The following STXBP4 variants were observed in gnomAD, a reference collection of about 807,000 sequenced individuals.
STXBP4 encodes syntaxin-binding protein 4.
Under a neutral mutation model 76.1 loss-of-function variants are expected in STXBP4, and 55 were observed. The ratio of observed to expected loss-of-function variants is 0.72; its 90% CI spans 0.58 to 0.91. The LOEUF (loss-of-function observed/expected upper bound fraction) is 0.91. Among genes scored for constraint, STXBP4 ranks in the 40% least tolerant of loss-of-function variants. The pLI is 0.00. For synonymous variants in STXBP4, 201 were observed against 220.2 expected (o/e 0.91, Z 0.77); for missense variants, 618 against 636.9 (o/e 0.97, Z 0.32).
At chr17:55,036,275 G>T (rs534145695) in intron 10 of STXBP4, among the ~76,000 whole-genome samples, 3 of 151,740 alleles carry the variant, frequency 2.0e-5, no homozygotes, top group African/African-American at 7.2e-5. Context: ...AGATTATCTT[G>T]GGAAGAATCA....
chr17:55,153,015 A>G (rs1408255477), intron 17 of STXBP4, among the ~76,000 whole-genome samples: 5 of 152,144 alleles, frequency 3.3e-5, no homozygotes, highest in Non-Finnish European at 7.4e-5. Flanking sequence ...GAGGAGTTTA[A>G]TATAATGGTT....
intron 16 of STXBP4, among the ~76,000 whole-genome samples, chr17:55,136,614 A>G (rs1289886234): frequency 1.3e-5 from 2 of 152,108 alleles, no homozygotes; most frequent in African/African-American, 2.4e-5. Context: ...TCACATTGGT[A>G]GCTCGAAATA....
At chr17:55,130,507 T>A (rs1474630690) in intron 16 of STXBP4, among the ~76,000 whole-genome samples, 1 of 152,222 alleles carries the variant, frequency 6.6e-6, no homozygotes, top group Non-Finnish European at 1.5e-5. Flanking sequence ...CATCACCTCA[T>A]ATACTTATTT....
chr17:55,167,570 T>C lies in STXBP4; in HGVS notation c.*7659T>C, dbSNP rs1463824023. ...TTGTAAAGCACATACTCACACATTGTTGATTTGCCCAAGGTTCTGAAGAAA... is the reference window on the plus strand; with the variant it reads ...TTGTAAAGCACATACTCACACATTGCTGATTTGCCCAAGGTTCTGAAGAAA... On this transcript the variant is annotated 3_prime_UTR_variant, in exon 18 of 18. Coordinates refer to ENST00000376352, the MANE Select transcript of STXBP4 (RefSeq NM_178509.6). 1.3e-5 allele frequency: 2 copies of C among 152,352 alleles called. No individual in the cohort carries two copies. The highest frequency in any genetic ancestry group is 2.1e-4 in the South Asian group (1 of 4,826). 9.4% of individuals were successfully genotyped at this position (152,352 alleles called of 1,614,324 possible). A position where few individuals can be genotyped will look rare whatever the true frequency, so the allele number is the denominator to read the frequency against.
intron 12 of STXBP4, among the ~76,000 whole-genome samples, chr17:55,047,873 A>C (rs1329011668): frequency 6.6e-6 from 1 of 151,902 alleles, no homozygotes; most frequent in Non-Finnish European, 1.5e-5. Flanking sequence ...ATACAACAAG[A>C]AAAATAATAA....
intron 12 of STXBP4, among the ~76,000 whole-genome samples, chr17:55,048,302 T>A (rs1162781425): frequency 1.3e-5 from 2 of 151,822 alleles, no homozygotes; most frequent in African/African-American, 4.8e-5. Flanking sequence ...CACCCTACCC[T>A]ATGACCATCA....
chr17:55,010,153 T>A (rs1488907772), intron 8 of STXBP4, among the ~76,000 whole-genome samples: 1 of 152,058 alleles, frequency 6.6e-6, no homozygotes, highest in Non-Finnish European at 1.5e-5. Flanking sequence ...GTTTACTAAT[T>A]ATGAATTTAT....
chr17:55,053,058 T>A (rs2144786857), intron 12 of STXBP4, among the ~76,000 whole-genome samples: 1 of 151,024 alleles, frequency 6.6e-6, no homozygotes, highest in South Asian at 2.1e-4. Context: ...AAATACAGCA[T>A]CTGACTCCAG....
chr17:54,970,092 T>C (rs1056638733), intron 1 of STXBP4, among the ~76,000 whole-genome samples: 2 of 151,966 alleles, frequency 1.3e-5, no homozygotes, highest in Admixed American at 6.6e-5. Context: ...AGGAAAGAGA[T>C]AGAATGATTG....
chr17:55,029,494 A>G (rs1343972349), intron 8 of STXBP4, among the ~76,000 whole-genome samples: 1 of 151,780 alleles, frequency 6.6e-6, no homozygotes, highest in African/African-American at 2.4e-5. Context: ...TGTTCTTTGT[A>G]TTATTATTTT....
intron 15 of STXBP4, 54 bp downstream of exon 15, chr17:55,078,789 T>A: frequency 1.0e-6 from 1 of 994,836 alleles, no homozygotes; most frequent in Non-Finnish European, 1.6e-6. Flanking sequence ...AAATTCTTCA[T>A]CTGGTCATTG....
chr17:55,198,539 A>G, the STXBP4 span, among the ~76,000 whole-genome samples: 1 of 152,198 alleles, frequency 6.6e-6, no homozygotes, highest in Non-Finnish European at 1.5e-5. Context: ...AATCATCAAG[A>G]TAGAAGTCTG....
Position 55,169,842 on chromosome 17 carries a change from A to G in STXBP4, c.*9931A>G, listed in dbSNP as rs2080396639. On this transcript the variant is annotated 3_prime_UTR_variant, in exon 18 of 18. Coordinates refer to ENST00000376352, the MANE Select transcript of STXBP4 (RefSeq NM_178509.6). ...ATTGAATGTCTAAACAATCCAAGAC[A>G]GATAATTTTGTAGTATTTACTGTGT... is the stretch of plus-strand genomic sequence containing the variant. 1 of 152,224 alleles carries G rather than the reference A, an allele frequency of 6.6e-6. No individual in the cohort carries two copies. The highest frequency in any genetic ancestry group is 1.5e-5 in the Non-Finnish European group (1 of 68,032). 9.4% of individuals were successfully genotyped at this position (152,224 alleles called of 1,614,324 possible).
chr17:55,092,437 AT>A (rs1266491852), intron 16 of STXBP4, among the ~76,000 whole-genome samples: 35 of 152,336 alleles, frequency 2.3e-4, no homozygotes, highest in African/African-American at 7.9e-4. Flanking sequence ...CAACCATGTA[AT>A]TTAGTAGGTC....
At chr17:55,138,467 C>A (rs915876451) in intron 16 of STXBP4, among the ~76,000 whole-genome samples, 1 of 151,964 alleles carries the variant, frequency 6.6e-6, no homozygotes, top group Non-Finnish European at 1.5e-5. Context: ...CTTACTTTGG[C>A]AAGATACTCA....
intron 16 of STXBP4, among the ~76,000 whole-genome samples, chr17:55,103,804 C>T (rs988218541): frequency 6.6e-6 from 1 of 151,728 alleles, no homozygotes; most frequent in Non-Finnish European, 1.5e-5. Flanking sequence ...CTCTAATTTC[C>T]TTGAGCAGTT....
In STXBP4 at chr17:55,166,653, C is replaced by T. The variant is rs1266746626; in HGVS notation, c.*6742C>T. The T allele has an allele frequency of 1.3e-5, 2 of 152,274 alleles. No homozygotes were observed. The highest frequency in any genetic ancestry group is 2.9e-5 in the Non-Finnish European group (2 of 68,084). The allele number at this position is 152,274 out of a possible 1,614,324, so 9.4% of individuals were successfully genotyped here. On this transcript the variant is annotated 3_prime_UTR_variant, in exon 18 of 18. Transcript: ENST00000376352. ...CTTGACACATGCTGCCTTCCCCATG[C>T]CCAGAGCTGGCACTCTATGGATGCC...
chr17:55,073,368 T>C (rs190423437), intron 13 of STXBP4, among the ~76,000 whole-genome samples: 2 of 152,204 alleles, frequency 1.3e-5, no homozygotes, highest in East Asian at 3.9e-4. Context: ...ATTGATTACA[T>C]TGGTTTTTTT....
the STXBP4 span, among the ~76,000 whole-genome samples, chr17:55,181,684 A>G: frequency 1.1e-3 from 168 of 152,340 alleles, 1 homozygote; most frequent in East Asian, 0.011. Flanking sequence ...AGTCATTGGA[A>G]AGCTGAAAAG....
Sources: allele counts gnomAD v4.1 joint callset (sites outside exome capture counted in the v4.1 genomes callset), GRCh38; gene constraint gnomAD v4.1.1; transcripts MANE v1.5; gene names NCBI Gene and HGNC (gene_info 2026-07-23, HGNC 2026-07-21).